The following RDX variants were observed in gnomAD, a reference collection of about 807,000 sequenced individuals.
RDX encodes the protein radixin, also known as deafness, autosomal recessive 24.
In RDX, 32 loss-of-function variants were observed where a neutral mutation model predicts 83.7. The ratio of observed to expected loss-of-function variants is 0.38; its 90% CI spans 0.29 to 0.51. The LOEUF (loss-of-function observed/expected upper bound fraction) is 0.51, where lower values mean the gene tolerates loss of function less well. Among genes scored for constraint, RDX ranks in the 20% least tolerant of loss-of-function variants. The pLI, the probability that RDX is intolerant of heterozygous loss-of-function variation, is 0.87. For synonymous variants in RDX, 229 were observed against 222.7 expected (o/e 1.03, Z -0.25); for missense variants, 600 against 689.9 (o/e 0.87, Z 1.46).
At chr11:110,273,442 G>A (rs1860382526) in intron 2 of RDX, among the ~76,000 whole-genome samples, 1 of 152,168 alleles carries the variant, frequency 6.6e-6, no homozygotes. Context: ...ACTATGTTGT[G>A]CTCAGGCTGG....
At chr11:110,216,806 C>G (rs1359306343) in intron 14 of RDX, among the ~76,000 whole-genome samples, 1 of 152,192 alleles carries the variant, frequency 6.6e-6, no homozygotes, top group Non-Finnish European at 1.5e-5. Flanking sequence ...GTGTAAACCA[C>G]TGCACTGAAA....
chr11:110,257,836 T>A lies in RDX; in HGVS notation c.629A>T (p.Asn210Ile). The change falls in exon 7 of 14, where the codon AAT (asparagine) becomes ATT (isoleucine). Residue 210 changes from asparagine to isoleucine, a missense_variant. By Grantham distance (149) the Asn-to-Ile change is moderately radical (BLOSUM62 -3). Transcript: ENST00000645495. ...MYGVNYFEIK[N>I]KKGTELWLGV... ...TAGCCACAATTCAGTTCCTTTTTTATTTTTTATTTCAAAATAGTTGACTCC... is the reference window on the plus strand; with the variant it reads ...TAGCCACAATTCAGTTCCTTTTTTAATTTTTATTTCAAAATAGTTGACTCC... The A allele has an allele frequency of 6.2e-7, 1 of 1,612,966 alleles. No individual in the cohort carries two copies. The highest frequency in any genetic ancestry group is 8.5e-7 in the Non-Finnish European group (1 of 1,179,442).
chr11:110,232,067 T>A, intron 13 of RDX, 34 bp from the exon 14 acceptor site: 1 of 1,534,460 alleles, frequency 6.5e-7, no homozygotes, highest in Non-Finnish European at 9.0e-7. Context: ...ACTATTATTT[T>A]TTTCTTAGAT....
chr11:110,177,425 A>C (rs1470396205), intron 15 of RDX, among the ~76,000 whole-genome samples: 1 of 152,236 alleles, frequency 6.6e-6, no homozygotes, highest in Non-Finnish European at 1.5e-5. Context: ...GTTCAGCTCC[A>C]GCGTCTAGGA....
intron 3 of RDX, 54 bp from the exon 4 acceptor site, chr11:110,264,928 G>C (rs1414832421): frequency 1.6e-6 from 2 of 1,282,876 alleles, no homozygotes; most frequent in Non-Finnish European, 2.3e-6. Flanking sequence ...TACACATTGT[G>C]TCTAGATGAT....
intron 3 of RDX, 115 bp from the exon 4 acceptor site, chr11:110,264,989 T>G: frequency 1.5e-6 from 1 of 659,376 alleles, no homozygotes. Context: ...TATATTCCTT[T>G]GCCATAGAAA....
intron 1 of RDX, among the ~76,000 whole-genome samples, chr11:110,283,935 TAA>T (rs907652195): frequency 3.3e-5 from 5 of 152,140 alleles, no homozygotes; most frequent in African/African-American, 9.7e-5. Context: ...GTTAAATATA[TAA>T]AGATATTGCT....
At chr11:110,179,850 G>T (rs564658115) in intron 15 of RDX, 1 of 416,764 alleles carries the variant, frequency 2.4e-6, no homozygotes, top group South Asian at 1.8e-5. Flanking sequence ...CAGCCTCTAG[G>T]CCTCCCTGCA....
chr11:110,270,275 C>A (rs1413648013), intron 3 of RDX, among the ~76,000 whole-genome samples: 1 of 152,084 alleles, frequency 6.6e-6, no homozygotes, highest in African/African-American at 2.4e-5. Context: ...TATGGTACAG[C>A]CTGTTGCTCC....
intron 1 of RDX, among the ~76,000 whole-genome samples, chr11:110,280,046 G>A (rs1860692698): frequency 6.6e-6 from 1 of 152,136 alleles, no homozygotes; most frequent in African/African-American, 2.4e-5. Flanking sequence ...TCACTGCTTA[G>A]AGCCCAAAAG....
downstream of RDX, among the ~76,000 whole-genome samples, chr11:110,227,150 T>C (rs1864461753): frequency 6.6e-6 from 1 of 151,950 alleles, no homozygotes. Flanking sequence ...GATTCGTAAG[T>C]CTAAAACAAT....
At chr11:110,207,028 A>C (rs1863631232) in intron 14 of RDX, among the ~76,000 whole-genome samples, 1 of 152,140 alleles carries the variant, frequency 6.6e-6, no homozygotes. Context: ...GCTGGAGTGC[A>C]GTGGCATGAT....
intron 9 of RDX, among the ~76,000 whole-genome samples, chr11:110,253,524 G>C (rs1859419352): frequency 6.6e-6 from 1 of 152,108 alleles, no homozygotes; most frequent in Non-Finnish European, 1.5e-5. Context: ...GTCTTTGGCA[G>C]GGAGTACTGA....
rs184213420 is a variant in RDX at position 110,288,646 on chromosome 11, C to T, written c.-65+7821G>A. Among the ~76,000 whole-genome samples, 138 of 152,268 alleles carry T rather than the reference C, an allele frequency of 9.1e-4. 1 individual carries two copies. Among genetic ancestry groups the T allele is most frequent in the African/African-American group, 3.1e-3 (127 of 41,558 alleles). On this transcript the variant is annotated intron_variant, in intron 1 of 13. Coordinates refer to ENST00000645495, the MANE Select transcript of RDX (RefSeq NM_002906.4). ...AATGTCTTTATAATTAGACAATATT[C>T]TCTAACACAGTCAACGAGGCTATAT...
At chr11:110,241,962 G>C (rs1299595747) in intron 10 of RDX, among the ~76,000 whole-genome samples, 1 of 152,122 alleles carries the variant, frequency 6.6e-6, no homozygotes, top group Admixed American at 6.6e-5. Context: ...CACTTATACA[G>C]GTAGAATACT....
Position 110,264,638 on chromosome 11 carries a change from T to TA in RDX, c.192+140dup, listed in dbSNP as rs1859946735. The TA allele has an allele frequency of 1.5e-5, 9 of 599,266 alleles. 1 individual carries two copies. The South Asian group carries it at 1.9e-4, about 13-fold the overall frequency. The allele number at this position is 599,266 out of a possible 1,614,324, so 37.1% of individuals were successfully genotyped here. A position where few individuals can be genotyped will look rare whatever the true frequency, so the allele number is the denominator to read the frequency against. ...TAAGCTGATGGTGCCTGATTGAATT[T>TA]AAAAAAACATGGTACCTCATAATGA... On this transcript the variant is annotated intron_variant, in intron 4 of 13. Transcript: ENST00000645495.
intron 5 of RDX, among the ~76,000 whole-genome samples, chr11:110,261,002 A>G (rs1012622731): frequency 6.6e-6 from 1 of 152,242 alleles, no homozygotes; most frequent in South Asian, 2.1e-4. Context: ...CTGAGGTCCA[A>G]CAAGATCTGT....
rs541166862 is a variant in RDX, at chr11:110,260,836, T to C, written c.468-2647A>G. Among the ~76,000 whole-genome samples the C allele has an allele frequency of 6.6e-5, 10 of 152,354 alleles. 2 individuals are homozygous for C. In the South Asian group the frequency reaches 1.7e-3, roughly 25 times the overall value. On this transcript the variant is annotated intron_variant, in intron 5 of 13. Transcript: ENST00000645495. Reference sequence around the variant, plus strand: ...TACTAATACACTATATTATTACTACTATGTAGTATAATAATACACTAATAC... The same window carrying C: ...TACTAATACACTATATTATTACTACCATGTAGTATAATAATACACTAATAC...
chr11:110,239,755 T>C (rs1019987022), intron 10 of RDX, among the ~76,000 whole-genome samples: 1 of 150,744 alleles, frequency 6.6e-6, no homozygotes, highest in Admixed American at 6.6e-5. Flanking sequence ...GCACATGTAA[T>C]CCCAGTTACT....
Sources: gnomAD v4.1 joint callset for allele counts (sites outside exome capture counted in the v4.1 genomes callset) on GRCh38, gnomAD v4.1.1 for gene constraint, MANE v1.5 for transcripts, NCBI Gene and HGNC (gene_info 2026-07-23, HGNC 2026-07-21) for gene names.